SNX24: variants seen among roughly 807,000 people sequenced by gnomAD.
SNX24 encodes the protein sorting nexin 24.
In SNX24, 22 loss-of-function variants were observed where a neutral mutation model predicts 28.7. The observed-to-expected ratio is 0.77, with a 90% CI of 0.55 to 1.10. The LOEUF is 1.10. Among genes scored for constraint, SNX24 ranks in the 50% least tolerant of loss-of-function variants. The pLI is 0.00. For synonymous variants in SNX24, 69 were observed against 71.5 expected, an observed-to-expected ratio of 0.96 and a Z score of 0.18; for missense variants, 221 against 201.1, an observed-to-expected ratio of 1.10 and a Z score of -0.60.
chr5:122,962,423 C>T (rs30057), intron 3 of SNX24, among the ~76,000 whole-genome samples: 117,126 of 152,246 alleles, frequency 0.77, 45,933 homozygotes, highest in East Asian at 0.99. Context: ...ATGATATGTA[C>T]TTCACTTAAA....
At chr5:122,940,656 C>T (rs752871604) in intron 2 of SNX24, among the ~76,000 whole-genome samples, 11 of 152,172 alleles carry the variant, frequency 7.2e-5, no homozygotes, top group Non-Finnish European at 1.5e-4. Context: ...ACTGCAACCT[C>T]CGTCTCCCAG....
chr5:122,850,362 A>G (rs1340236938), intron 1 of SNX24, among the ~76,000 whole-genome samples: 1 of 152,222 alleles, frequency 6.6e-6, no homozygotes, highest in Admixed American at 6.5e-5. Context: ...GGCTCTGCCC[A>G]TGACCTCATC....
downstream of SNX24, among the ~76,000 whole-genome samples, chr5:123,009,550 A>G (rs1762522140): frequency 6.6e-6 from 1 of 152,230 alleles, no homozygotes; most frequent in African/African-American, 2.4e-5. Context: ...CATGTCAAAC[A>G]AGTCATATGC....
intron 3 of SNX24, among the ~76,000 whole-genome samples, chr5:122,960,656 T>A (rs1760451591): frequency 6.6e-6 from 1 of 152,188 alleles, no homozygotes; most frequent in African/African-American, 2.4e-5. Context: ...AATCACTTCA[T>A]GAGAATTGTA....
In SNX24 at chr5:123,001,366, T is replaced by C. The variant is rs781468386; in HGVS notation, c.345-39T>C. 1.9e-5 allele frequency: 26 copies of C among 1,394,404 alleles called. No homozygotes were observed. In the East Asian group the frequency reaches 2.1e-4, roughly 11 times the overall value. The allele number at this position is 1,394,404 out of a possible 1,614,324, so 86.4% of individuals were successfully genotyped here. A position where few individuals can be genotyped will look rare whatever the true frequency, so the allele number is the denominator to read the frequency against. Reference sequence around the variant, plus strand: ...TTGGCATAAACATTGACTCAACATATGTGGTTTTTTTGTTTTTTTCCTTTT... The same window carrying C: ...TTGGCATAAACATTGACTCAACATACGTGGTTTTTTTGTTTTTTTCCTTTT... On this transcript the variant is annotated intron_variant, in intron 4 of 6. Coordinates refer to ENST00000261369, the MANE Select transcript of SNX24 (RefSeq NM_014035.4).
chr5:122,891,786 G>A (rs942161597), intron 1 of SNX24, among the ~76,000 whole-genome samples: 3 of 152,060 alleles, frequency 2.0e-5, no homozygotes, highest in African/African-American at 7.2e-5. Context: ...AGACTTTTTG[G>A]GCTGGCCAGG....
chr5:122,891,333 A>G (rs886689652), intron 1 of SNX24, among the ~76,000 whole-genome samples: 1 of 152,198 alleles, frequency 6.6e-6, no homozygotes, highest in African/African-American at 2.4e-5. Context: ...TAAAAAAGCA[A>G]GTTACCAAAT....
At position 123,008,757 on chromosome 5, in the gene SNX24, T is replaced by C. The variant is rs1762498015; in HGVS notation, c.*1008T>C. ...GATTTCATGTTATTTTCCTTACGGC[T>C]TCCTTTTCACTGACCTCATTTGTTG... On this transcript the variant is annotated 3_prime_UTR_variant, in exon 7 of 7. Coordinates refer to ENST00000261369, the MANE Select transcript of SNX24 (RefSeq NM_014035.4). 2 of 562,684 alleles carry C rather than the reference T, an allele frequency of 3.6e-6. No individual in the cohort carries two copies. Among genetic ancestry groups the C allele is most frequent in the Non-Finnish European group, 4.5e-6 (2 of 444,156 alleles). 34.9% of individuals were successfully genotyped at this position (562,684 alleles called of 1,614,324 possible). A position where few individuals can be genotyped will look rare whatever the true frequency, so the allele number is the denominator to read the frequency against.
At chr5:122,924,465 G>T (rs1057202773) in intron 1 of SNX24, among the ~76,000 whole-genome samples, 1 of 152,236 alleles carries the variant, frequency 6.6e-6, no homozygotes, top group East Asian at 1.9e-4. Flanking sequence ...TGCTGGCTGG[G>T]ACCGGGCAAG....
In SNX24 at chr5:122,983,962, A is replaced by C. The variant is rs371827268; in HGVS notation, c.250-15950A>C. ...GTCATCAGATTACTAACAGAAGGCC[A>C]CTAAAGAATAATTGATATTTGTTGC... On this transcript the variant is annotated intron_variant, in intron 3 of 6. Coordinates refer to ENST00000261369, the MANE Select transcript of SNX24 (RefSeq NM_014035.4). Among the ~76,000 whole-genome samples the C allele has an allele frequency of 4.0e-4, 61 of 152,354 alleles. 2 individuals carry two copies. The highest frequency in any genetic ancestry group is 3.4e-3 in the Middle Eastern group (1 of 294).
At chr5:122,849,155 A>G (rs1028204583) in intron 1 of SNX24, among the ~76,000 whole-genome samples, 1 of 152,216 alleles carries the variant, frequency 6.6e-6, no homozygotes, top group African/African-American at 2.4e-5. Context: ...TACAGTTTTT[A>G]CAGATATTGC....
intron 3 of SNX24, among the ~76,000 whole-genome samples, chr5:122,990,282 T>C (rs918964776): frequency 6.6e-6 from 1 of 152,238 alleles, no homozygotes; most frequent in Non-Finnish European, 1.5e-5. Context: ...ATTACATTAC[T>C]GTAGCATTTA....
In SNX24 at chr5:122,925,001, C is replaced by T. The variant is rs372439515; in HGVS notation, c.61-11733C>T. On this transcript the variant is annotated intron_variant, in intron 1 of 6. Transcript: ENST00000261369. Reference sequence around the variant, plus strand: ...TCCCTCACCCTTCTCCCCTCTTTCCCCTTCGTCTTCCCCTCCCCTTCTCCT... The same window carrying T: ...TCCCTCACCCTTCTCCCCTCTTTCCTCTTCGTCTTCCCCTCCCCTTCTCCT... Among the ~76,000 whole-genome samples, 67 of 150,132 alleles carry T rather than the reference C, an allele frequency of 4.5e-4. 1 individual carries two copies. Among genetic ancestry groups the T allele is most frequent in the African/African-American group, 1.6e-3 (65 of 40,734 alleles).
intron 1 of SNX24, among the ~76,000 whole-genome samples, chr5:122,889,993 T>C (rs964090169): frequency 6.6e-6 from 1 of 151,986 alleles, no homozygotes; most frequent in Non-Finnish European, 1.5e-5. Context: ...TCTCCTTCAA[T>C]CTGGAACTGC....
At chr5:122,917,037 G>A (rs1758203608) in intron 1 of SNX24, among the ~76,000 whole-genome samples, 1 of 152,184 alleles carries the variant, frequency 6.6e-6, no homozygotes, top group African/African-American at 2.4e-5. Flanking sequence ...GAGAGGCTGA[G>A]GGGGACGGAT....
intron 3 of SNX24, among the ~76,000 whole-genome samples, chr5:122,964,682 A>G (rs1020962938): frequency 6.6e-6 from 1 of 152,140 alleles, no homozygotes; most frequent in Non-Finnish European, 1.5e-5. Context: ...ATAAAAATAA[A>G]ATCTCAGATT....
chr5:122,859,128 T>C (rs1755337791), intron 1 of SNX24, among the ~76,000 whole-genome samples: 1 of 152,236 alleles, frequency 6.6e-6, no homozygotes, highest in Non-Finnish European at 1.5e-5. Context: ...ATTGTAATCA[T>C]TGGCACTTGA....
chr5:122,868,794 T>A (rs1755843118), intron 1 of SNX24, among the ~76,000 whole-genome samples: 1 of 151,906 alleles, frequency 6.6e-6, no homozygotes, highest in African/African-American at 2.4e-5. Context: ...GCCTATAGGA[T>A]TAAATCTGCG....
chr5:122,958,219 T>A (rs30065), intron 3 of SNX24, among the ~76,000 whole-genome samples: 116,794 of 151,882 alleles, frequency 0.77, 45,786 homozygotes, highest in East Asian at 0.99. Flanking sequence ...TTTCTTGAAT[T>A]TTTTTGTCAT....
Sources: gnomAD v4.1 joint callset for allele counts (sites outside exome capture counted in the v4.1 genomes callset) on GRCh38, gnomAD v4.1.1 for gene constraint, MANE v1.5 for transcripts, NCBI Gene and HGNC (gene_info 2026-07-23, HGNC 2026-07-21) for gene names.